The following IQCE variants were observed in gnomAD, a reference collection of about 807,000 sequenced individuals.
IQCE encodes IQ motif containing E, also known as IQ domain-containing protein E.
A neutral mutation model predicts 96.0 loss-of-function variants in IQCE; 115 were observed. The observed-to-expected ratio is 1.20, with a 90% CI of 1.03 to 1.40. The LOEUF (loss-of-function observed/expected upper bound fraction) is 1.40, where lower values mean the gene tolerates loss of function less well. IQCE is among the 40% of genes most tolerant of loss of function. IQCE has a pLI of 0.00. For synonymous variants in IQCE, 412 were observed against 371.2 expected (o/e 1.11, Z -1.26); for missense variants, 1,041 against 909.1 (o/e 1.15, Z -1.87).
intron 8 of IQCE, among the ~76,000 whole-genome samples, chr7:2,580,938 C>G (rs117463008): frequency 1.3e-5 from 2 of 151,668 alleles, no homozygotes; most frequent in South Asian, 2.1e-4. Flanking sequence ...TTTTTTGAGA[C>G]GGAGTCTGCT....
intron 8 of IQCE, among the ~76,000 whole-genome samples, chr7:2,581,032 A>C (rs1583437613): frequency 6.6e-6 from 1 of 151,440 alleles, no homozygotes. Flanking sequence ...TTTAGTAGAG[A>C]CGGGGTTTCA....
chr7:2,610,104 A>T lies in IQCE; in HGVS notation c.2030A>T (p.Asp677Val), dbSNP rs376173876. Residue 677 changes from aspartate (D) to valine (V), a missense_variant, in exon 22 of 22, where the codon GAT becomes GTT. Coordinates refer to ENST00000402050, the MANE Select transcript of IQCE (RefSeq NM_152558.5). ...APLPGDDVNS[D>V]DSDDIVIAPS... The stretch of plus-strand genomic sequence containing the variant: ...CTACCTGGGGATGACGTCAACTCCG[A>T]TGATTCCGACGATATTGTCATTGCA... The T allele has an allele frequency of 1.9e-6, 3 of 1,613,354 alleles. No individual in the cohort carries two copies. In the African/African-American group the frequency reaches 4.0e-5, roughly 22 times the overall value.
In IQCE at chr7:2,611,928, C is replaced by T. The variant is rs566176739; in HGVS notation, c.*1766C>T. 5.3e-4 allele frequency: 80 copies of T among 152,242 alleles called. 1 individual carries two copies. In the East Asian group the frequency reaches 0.013, roughly 24 times the overall value. The allele number at this position is 152,242 out of a possible 1,614,324, so 9.4% of individuals were successfully genotyped here. On this transcript the variant is annotated 3_prime_UTR_variant, in exon 22 of 22. Transcript: ENST00000402050. ...GACCCCTGCCTTCACCCCACCCGCC[C>T]GGGTCCACTCCCTGGGGCGCTGTCC...
At position 2,593,090 on chromosome 7, in the gene IQCE, G is replaced by A. The variant is rs1783737105; in HGVS notation, c.1313G>A (p.Gly438Asp). ...LEKELECARE[G>D]EEERREREEV... ...AAGGAGCTGGAGTGCGCGAGGGAGG[G>A]CGAGGAGGAGAGGAGAGAGCGAGAG... Residue 438 changes from glycine (G) to aspartate (D), a missense_variant, in exon 15 of 22, where the codon GGC becomes GAC. Gly to Asp is a moderately conservative substitution (Grantham distance 94). Coordinates refer to ENST00000402050, the MANE Select transcript of IQCE (RefSeq NM_152558.5). The A allele has an allele frequency of 6.2e-7, 1 of 1,612,648 alleles. No individual in the cohort carries two copies.
In IQCE at chr7:2,614,096, C is replaced by T. The variant is rs923412378; in HGVS notation, c.*3934C>T. 6.6e-6 allele frequency: 1 copy of T among 152,068 alleles called. No individual in the cohort carries two copies. Among genetic ancestry groups the T allele is most frequent in the African/African-American group, 2.4e-5 (1 of 41,374 alleles). The allele number at this position is 152,068 out of a possible 1,614,324, so 9.4% of individuals were successfully genotyped here. A position where few individuals can be genotyped will look rare whatever the true frequency, so the allele number is the denominator to read the frequency against. On this transcript the variant is annotated 3_prime_UTR_variant, in exon 22 of 22. Transcript: ENST00000402050. Reference sequence around the variant, plus strand: ...GACGTGAGGACCATGCCCTTGATCCCTCCGATGGACCAGAAACCCCCTTCC... The same window carrying T: ...GACGTGAGGACCATGCCCTTGATCCTTCCGATGGACCAGAAACCCCCTTCC...
chr7:2,573,909 C>T (rs540973065), intron 6 of IQCE, among the ~76,000 whole-genome samples: 6 of 152,268 alleles, frequency 3.9e-5, no homozygotes, highest in Admixed American at 6.5e-5. Context: ...CTCTGTGGGA[C>T]GGGCAGAACC....
intron 21 of IQCE, among the ~76,000 whole-genome samples, chr7:2,608,600 C>T (rs951425661): frequency 7.2e-5 from 11 of 152,190 alleles, no homozygotes; most frequent in Non-Finnish European, 1.5e-4. Flanking sequence ...GCCTGTGACT[C>T]GTGGGCTCTG....
At chr7:2,583,108 A>G (rs1028709031) in intron 9 of IQCE, among the ~76,000 whole-genome samples, 36 of 152,130 alleles carry the variant, frequency 2.4e-4, no homozygotes, top group African/African-American at 8.0e-4. Flanking sequence ...TTCCTGCCGA[A>G]TTTTGTCAAC....
At chr7:2,584,570 C>G (rs1368437928) in intron 11 of IQCE, 1 of 404,186 alleles carries the variant, frequency 2.5e-6, no homozygotes, top group East Asian at 4.2e-5. Context: ...CTAGAAAGTG[C>G]TGTTTCAAAG....
At chr7:2,609,838 T>G (rs1785030635) in intron 21 of IQCE, among the ~76,000 whole-genome samples, 1 of 152,006 alleles carries the variant, frequency 6.6e-6, no homozygotes, top group Non-Finnish European at 1.5e-5. Flanking sequence ...CTGGCAGGTG[T>G]GTGAGTTGGT....
intron 21 of IQCE, among the ~76,000 whole-genome samples, chr7:2,608,478 AAACTTTG>A (rs1784974639): frequency 1.3e-5 from 2 of 152,364 alleles, no homozygotes; most frequent in Admixed American, 6.5e-5. Context: ...CAGAGCTAGA[AAACTTTG>A]AACTTTGATA....
chr7:2,567,106 C>G lies in IQCE; in HGVS notation c.37-10C>G. On this transcript the variant is annotated splice_polypyrimidine_tract_variant and intron_variant, in intron 1 of 21. Coordinates refer to ENST00000402050, the MANE Select transcript of IQCE (RefSeq NM_152558.5). ...CCGTCGAGTTACAGTGTTTGCCTCTCTTCCTCCAGGGAGATGACAGTCTGT... is the reference window on the plus strand; with the variant it reads ...CCGTCGAGTTACAGTGTTTGCCTCTGTTCCTCCAGGGAGATGACAGTCTGT... 6.2e-7 allele frequency: 1 copy of G among 1,613,424 alleles called. No homozygotes were observed. Among genetic ancestry groups the G allele is most frequent in the South Asian group, 1.1e-5 (1 of 91,046 alleles).
intron 20 of IQCE, among the ~76,000 whole-genome samples, chr7:2,606,294 GT>G (rs1784821695): frequency 1.3e-5 from 2 of 152,168 alleles, no homozygotes; most frequent in African/African-American, 4.8e-5. Context: ...TGTAGCTCAG[GT>G]CACCATCAGT....
chr7:2,593,106 A>G lies in IQCE; in HGVS notation c.1329A>G (p.Arg443=), dbSNP rs1471940037. 2.5e-6 allele frequency: 4 copies of G among 1,611,922 alleles called. No homozygotes were observed. Among genetic ancestry groups the G allele is most frequent in the South Asian group, 2.2e-5 (2 of 90,950 alleles). The change falls in exon 15 of 22, where the codon AGA becomes AGG. Residue 443 remains arginine, a synonymous_variant. Transcript: ENST00000402050. ...ECAREGEEER[R]EREEVLREEI... ...CGAGGGAGGGCGAGGAGGAGAGGAG[A>G]GAGCGAGAGGAGGTTTTGAGGTATG...
At chr7:2,562,898 T>A (rs753885526) in intron 1 of IQCE, among the ~76,000 whole-genome samples, 2 of 151,836 alleles carry the variant, frequency 1.3e-5, no homozygotes, top group Non-Finnish European at 2.9e-5. Context: ...CAAATTGCCC[T>A]CTAAACATGG....
chr7:2,578,659 A>G (rs960632098), intron 8 of IQCE, 133 bp downstream of exon 8: 3 of 910,862 alleles, frequency 3.3e-6, no homozygotes, highest in African/African-American at 1.6e-5. Flanking sequence ...GGACCCCCAA[A>G]CCCTTCTCCA....
chr7:2,609,893 T>C, intron 21 of IQCE, 151 bp from the exon 22 acceptor site: 2 of 604,238 alleles, frequency 3.3e-6, no homozygotes, highest in Non-Finnish European at 5.9e-6. Context: ...TGTGAGTTGC[T>C]CCTGAGGGCC....
chr7:2,560,426 G>A (rs1486004675), intron 1 of IQCE, among the ~76,000 whole-genome samples: 1 of 152,162 alleles, frequency 6.6e-6, no homozygotes, highest in Non-Finnish European at 1.5e-5. Flanking sequence ...TTCCTCCTAA[G>A]GAGACCACAG....
chr7:2,560,328 G>T (rs562074769), intron 1 of IQCE, among the ~76,000 whole-genome samples: 50 of 152,380 alleles, frequency 3.3e-4, no homozygotes, highest in Non-Finnish European at 6.6e-4. Context: ...GGGGAGTCCT[G>T]CTGGCCATGC....
Sources: gnomAD v4.1 joint callset for allele counts (sites outside exome capture counted in the v4.1 genomes callset) on GRCh38, gnomAD v4.1.1 for gene constraint, MANE v1.5 for transcripts, NCBI Gene and HGNC (gene_info 2026-07-23, HGNC 2026-07-21) for gene names.